Variants in PAK5 observed in about 807,000 individuals in gnomAD.
PAK5 encodes the protein serine/threonine-protein kinase PAK 5.
PAK5 carries 16 observed loss-of-function variants against 65.9 expected under a neutral mutation model. The observed-to-expected ratio is 0.24, with a 90% CI of 0.16 to 0.37. The LOEUF (loss-of-function observed/expected upper bound fraction) is 0.37, where lower values mean the gene tolerates loss of function less well. Among genes scored for constraint, PAK5 ranks in the 10% least tolerant of loss-of-function variants. PAK5 has a pLI of 1.00. For synonymous variants in PAK5, 371 were observed against 354.9 expected, an observed-to-expected ratio of 1.05 and a Z score of -0.51; for missense variants, 785 against 903.9, an observed-to-expected ratio of 0.87 and a Z score of 1.69.
intron 1 of PAK5, among the ~76,000 whole-genome samples, chr20:9,822,879 C>T (rs2049439603): frequency 6.6e-6 from 1 of 152,158 alleles, no homozygotes; most frequent in South Asian, 2.1e-4. Flanking sequence ...CAGTTCCCTC[C>T]CCTTTGGGTG....
intron 1 of PAK5, among the ~76,000 whole-genome samples, chr20:9,798,865 G>A (rs113106762): frequency 6.6e-6 from 1 of 152,020 alleles, no homozygotes; most frequent in Non-Finnish European, 1.5e-5. Context: ...TAATTCTTGG[G>A]CCCCACCCCA....
chr20:9,779,884 C>A (rs1600365573), intron 1 of PAK5, among the ~76,000 whole-genome samples: 2 of 152,004 alleles, frequency 1.3e-5, no homozygotes, highest in South Asian at 4.2e-4. Flanking sequence ...TAGATCAAAG[C>A]ACAAAAAGCA....
chr20:9,548,072 T>G (rs547441733), intron 7 of PAK5, among the ~76,000 whole-genome samples: 1 of 152,352 alleles, frequency 6.6e-6, no homozygotes, highest in South Asian at 2.1e-4. Flanking sequence ...CTGAATGGTT[T>G]TTAAAGCCCT....
chr20:9,609,346 T>G (rs1008147668), intron 3 of PAK5, among the ~76,000 whole-genome samples: 3 of 152,214 alleles, frequency 2.0e-5, no homozygotes, highest in African/African-American at 7.2e-5. Context: ...ACTGAGCTAG[T>G]GCCACCACTT....
At chr20:9,555,941 A>G (rs35228885) in intron 7 of PAK5, among the ~76,000 whole-genome samples, 11,201 of 152,212 alleles carry the variant, frequency 0.074, 561 homozygotes, top group South Asian at 0.13. Flanking sequence ...CTGCCAAGCA[A>G]ATGAGTAAGG....
At chr20:9,602,829 G>T (rs1201891947) in intron 3 of PAK5, among the ~76,000 whole-genome samples, 2 of 152,200 alleles carry the variant, frequency 1.3e-5, no homozygotes, top group Non-Finnish European at 2.9e-5. Context: ...AACTGTACAT[G>T]TAACAGAGCT....
chr20:9,686,868 A>G lies in PAK5; in HGVS notation c.-12+24418T>C, dbSNP rs78268865. Among the ~76,000 whole-genome samples the G allele has an allele frequency of 5.4e-3, 830 of 152,320 alleles. 1 individual carries two copies. Among genetic ancestry groups the G allele is most frequent in the Non-Finnish European group, 9.8e-3 (666 of 68,030 alleles). On this transcript the variant is annotated intron_variant, in intron 2 of 9. Transcript: ENST00000353224. ...TATAAGGAGTTTATTTGGGAAGTAC[A>G]GGGACCATTGTTAGGGAAGCAAAGA...
chr20:9,760,701 T>C (rs1012562), intron 1 of PAK5, among the ~76,000 whole-genome samples: 102,754 of 140,580 alleles, frequency 0.73, 37,880 homozygotes, highest in East Asian at 0.89. Flanking sequence ...AGACAGAGTA[T>C]TACTTTGTCA....
chr20:9,763,702 G>GT (rs200122574), intron 1 of PAK5, among the ~76,000 whole-genome samples: 28 of 151,944 alleles, frequency 1.8e-4, no homozygotes, highest in South Asian at 1.2e-3. Flanking sequence ...GTATTTTCCC[G>GT]TTTTTTTTAT....
chr20:9,590,631 A>G (rs73600246), intron 3 of PAK5, among the ~76,000 whole-genome samples: 3 of 152,012 alleles, frequency 2.0e-5, no homozygotes, highest in East Asian at 3.9e-4. Flanking sequence ...AAAAAAAAAA[A>G]AAAAGAAATA....
chr20:9,580,363 C>G lies in PAK5; in HGVS notation c.772G>C (p.Gly258Arg), dbSNP rs1359555839. Reference sequence around the variant, plus strand: ...CTGTCATAGTCATCCAGGCTGGGTCCCCATTCACTTTCACTGTACGCCAGG... The same window carrying G: ...CTGTCATAGTCATCCAGGCTGGGTCGCCATTCACTTTCACTGTACGCCAGG... ...ESLAYSESEW[G>R]PSLDDYDRRP... The change falls in exon 4 of 10, where the codon GGA becomes CGA. Residue 258 changes from glycine to arginine, a missense_variant. This residue lies in a region of PAK5 where 422 missense variants were observed against 413.3 expected (regional missense o/e 1.02). Coordinates refer to ENST00000353224, the MANE Select transcript of PAK5 (RefSeq NM_177990.4). The G allele has an allele frequency of 1.9e-6, 3 of 1,614,040 alleles. No individual in the cohort carries two copies. In the Admixed American group the frequency reaches 5.0e-5, roughly 27 times the overall value.
At chr20:9,636,026 C>T (rs1201252981) in intron 3 of PAK5, among the ~76,000 whole-genome samples, 1 of 152,146 alleles carries the variant, frequency 6.6e-6, no homozygotes, top group Non-Finnish European at 1.5e-5. Context: ...CTCCTTCTGG[C>T]TTAATTCTGA....
At chr20:9,795,629 GT>G (rs1403779684) in intron 1 of PAK5, among the ~76,000 whole-genome samples, 3 of 152,200 alleles carry the variant, frequency 2.0e-5, no homozygotes, top group South Asian at 2.1e-4. Context: ...CATACGTAAT[GT>G]TTTGTATTAC....
At chr20:9,708,963 C>A (rs775201886) in intron 2 of PAK5, among the ~76,000 whole-genome samples, 1 of 152,058 alleles carries the variant, frequency 6.6e-6, no homozygotes, top group Non-Finnish European at 1.5e-5. Flanking sequence ...ACCCTACAAA[C>A]GTATGCTGGC....
At chr20:9,805,997 C>T (rs955708908) in intron 1 of PAK5, among the ~76,000 whole-genome samples, 1 of 152,126 alleles carries the variant, frequency 6.6e-6, no homozygotes, top group Non-Finnish European at 1.5e-5. Flanking sequence ...CAGGGTTTCA[C>T]TCTGTTGCCT....
intron 1 of PAK5, among the ~76,000 whole-genome samples, chr20:9,789,811 A>G (rs1304158265): frequency 1.3e-5 from 2 of 152,180 alleles, no homozygotes; most frequent in African/African-American, 4.8e-5. Flanking sequence ...GATGGTTACA[A>G]AGTCACTCTT....
chr20:9,782,952 G>A (rs6039577), intron 1 of PAK5, among the ~76,000 whole-genome samples: 68,445 of 146,828 alleles, frequency 0.47, 16,181 homozygotes, highest in African/African-American at 0.57. Context: ...TTTTTAAGAC[G>A]GAGTTTCGCT....
intron 1 of PAK5, among the ~76,000 whole-genome samples, chr20:9,744,381 C>G (rs2048483641): frequency 6.6e-6 from 1 of 152,182 alleles, no homozygotes; most frequent in African/African-American, 2.4e-5. Flanking sequence ...TGCCTAATAG[C>G]TCATTCAACT....
intron 1 of PAK5, among the ~76,000 whole-genome samples, chr20:9,812,584 G>A: frequency 6.6e-6 from 1 of 152,106 alleles, no homozygotes; most frequent in Non-Finnish European, 1.5e-5. Context: ...ACTCCTAGAT[G>A]TACACCCAAG....
Sources: gnomAD v4.1 joint callset for allele counts (sites outside exome capture counted in the v4.1 genomes callset) on GRCh38, gnomAD v4.1.1 for gene constraint, gnomAD v4.1.1 regional missense constraint, MANE v1.5 for transcripts, NCBI Gene and HGNC (gene_info 2026-07-23, HGNC 2026-07-21) for gene names.